HECW2: variants seen among roughly 807,000 people sequenced by gnomAD.
HECW2 encodes HECT, C2 and WW domain containing E3 ubiquitin protein ligase 2.
In HECW2, 61 loss-of-function variants were observed where a neutral mutation model predicts 175.2. That is an observed-to-expected ratio of 0.35 (90% CI 0.28 to 0.43). The LOEUF is 0.43. Ranked by LOEUF, HECW2 falls within the 20% of genes least tolerant of loss-of-function variation. HECW2 has a pLI of 1.00. For synonymous variants in HECW2, 671 were observed against 731.0 expected (o/e 0.92, Z 1.32); for missense variants, 1,524 against 2,000.5 (o/e 0.76, Z 4.54).
intron 1 of HECW2, among the ~76,000 whole-genome samples, chr2:196,439,098 T>G (rs1467290695): frequency 6.6e-6 from 1 of 152,230 alleles, no homozygotes; most frequent in Non-Finnish European, 1.5e-5. Flanking sequence ...CCTCAATTTA[T>G]TTACCTATTA....
chr2:196,330,128 C>T (rs1482111365), intron 4 of HECW2, among the ~76,000 whole-genome samples: 6 of 152,126 alleles, frequency 3.9e-5, no homozygotes, highest in Non-Finnish European at 8.8e-5. Flanking sequence ...TCCTATCTCC[C>T]TTGTAGGCTT....
chr2:196,290,161 G>A (rs953669207), intron 14 of HECW2: 1 of 152,192 alleles, frequency 6.6e-6, no homozygotes, highest in South Asian at 2.1e-4. Flanking sequence ...CCTACACTCA[G>A]GGTTCTCTAC....
intron 2 of HECW2, among the ~76,000 whole-genome samples, chr2:196,384,542 A>ACTATACTC (rs1694296103): frequency 6.6e-6 from 1 of 152,182 alleles, no homozygotes; most frequent in Non-Finnish European, 1.5e-5. Flanking sequence ...AGACAGCACT[A>ACTATACTC]CTATACTCCA....
intron 2 of HECW2, among the ~76,000 whole-genome samples, chr2:196,358,475 T>A (rs1480537778): frequency 6.8e-6 from 1 of 147,962 alleles, no homozygotes; most frequent in Non-Finnish European, 1.5e-5. Context: ...CTTGGGAGGC[T>A]GAGGCAGGAG....
At chr2:196,399,153 C>T (rs758930125) in intron 2 of HECW2, among the ~76,000 whole-genome samples, 122 of 152,118 alleles carry the variant, frequency 8.0e-4, no homozygotes, top group Non-Finnish European at 6.8e-4. Flanking sequence ...ATGTACACTC[C>T]GGAAGCACTA....
intron 1 of HECW2, among the ~76,000 whole-genome samples, chr2:196,467,225 C>T (rs1447967844): frequency 6.6e-6 from 1 of 152,144 alleles, no homozygotes; most frequent in South Asian, 2.1e-4. Flanking sequence ...AAAGCTATTC[C>T]CTTGGAACCC....
At chr2:196,224,848 A>G (rs1432061181) in intron 23 of HECW2, among the ~76,000 whole-genome samples, 1 of 152,194 alleles carries the variant, frequency 6.6e-6, no homozygotes, top group Non-Finnish European at 1.5e-5. Flanking sequence ...CAAAGAACCA[A>G]AGAGACAGAA....
In HECW2 at chr2:196,343,584, A is replaced by G. The variant is rs547257389; in HGVS notation, c.400+73T>C. 21 of 936,284 alleles carry G rather than the reference A, an allele frequency of 2.2e-5. No homozygotes were observed. In the South Asian group the frequency reaches 2.3e-4, roughly 10 times the overall value. 58.0% of individuals were successfully genotyped at this position (936,284 alleles called of 1,614,324 possible). A position where few individuals can be genotyped will look rare whatever the true frequency, so the allele number is the denominator to read the frequency against. On this transcript the variant is annotated intron_variant, in intron 3 of 28. Transcript: ENST00000644978. ...CAAAGAATTTCAAAATAACATTCAA[A>G]AAGACTCCATAGAATTCTGCATACT...
At chr2:196,469,027 G>A (rs1697076844) in intron 1 of HECW2, among the ~76,000 whole-genome samples, 2 of 151,916 alleles carry the variant, frequency 1.3e-5, no homozygotes, top group African/African-American at 4.8e-5. Context: ...AGGTGATATG[G>A]TACTTCCCAT....
intron 19 of HECW2, among the ~76,000 whole-genome samples, chr2:196,246,145 A>G (rs1688634603): frequency 1.3e-5 from 2 of 152,178 alleles, no homozygotes; most frequent in African/African-American, 2.4e-5. Flanking sequence ...ACGAAGGAAC[A>G]TTATCTCCAT....
Position 196,220,838 on chromosome 2 carries a change from C to G in HECW2, c.4250G>C (p.Gly1417Ala). 6.2e-7 allele frequency: 1 copy of G among 1,614,162 alleles called. No homozygotes were observed. Among genetic ancestry groups the G allele is most frequent in the Non-Finnish European group, 8.5e-7 (1 of 1,180,020 alleles). Residue 1417 changes from glycine to alanine, a missense_variant, in exon 25 of 29, where the codon GGT becomes GCT. By Grantham distance (60) the Gly-to-Ala change is moderately conservative (BLOSUM62 0). Around this residue, in one of 11 missense-constraint regions of HECW2, gnomAD observed 134 missense variants for 287.8 expected, o/e 0.47. Transcript: ENST00000644978. ...TAAGCTCTCTGTTTGCTGTACAACA[C>G]CCCTCTCAATCCTCCACTTCACCAT... The part of the protein sequence containing the change: ...ERMVKWRIER[G>A]VVQQTESLVR...
chr2:196,374,028 T>C (rs1693980021), intron 2 of HECW2, among the ~76,000 whole-genome samples: 1 of 131,476 alleles, frequency 7.6e-6, no homozygotes, highest in African/African-American at 3.3e-5. Context: ...AGAGACTCCG[T>C]CTCAAAAAAA....
At chr2:196,261,762 G>A (rs1166656783) in intron 17 of HECW2, among the ~76,000 whole-genome samples, 1 of 152,176 alleles carries the variant, frequency 6.6e-6, no homozygotes, top group Non-Finnish European at 1.5e-5. Flanking sequence ...TATAAAAGCT[G>A]TAAGCATAAG....
chr2:196,215,897 C>T lies in HECW2; in HGVS notation c.4575G>A (p.Val1525=). ...RGSNGPRRFC[V]EKWGKITALP... is the part of the protein sequence containing the mutation. ...GAGCAGTGATTTTCCCCCATTTCTC[C>T]ACACAGAATCTTCTTGGGCCGTTAC... The change falls in exon 28 of 29, where the codon GTG becomes GTA. Residue 1525 remains valine (V), a synonymous_variant. Coordinates refer to ENST00000644978, the MANE Select transcript of HECW2 (RefSeq NM_001348768.2). The T allele has an allele frequency of 2.5e-6, 4 of 1,613,650 alleles. No individual in the cohort carries two copies. Among genetic ancestry groups the T allele is most frequent in the Non-Finnish European group, 3.4e-6 (4 of 1,179,608 alleles).
chr2:196,488,370 A>G (rs1687076118), intron 1 of HECW2, among the ~76,000 whole-genome samples: 1 of 152,218 alleles, frequency 6.6e-6, no homozygotes, highest in Admixed American at 6.5e-5. Flanking sequence ...AAGACCAGAA[A>G]AAAGTCTCAA....
intron 4 of HECW2, among the ~76,000 whole-genome samples, chr2:196,333,544 G>T (rs1183071978): frequency 6.6e-6 from 1 of 152,110 alleles, no homozygotes; most frequent in Non-Finnish European, 1.5e-5. Flanking sequence ...ATGTTGTAAA[G>T]ATTCTATGTC....
At chr2:196,420,891 T>C (rs1370092501) in intron 2 of HECW2, among the ~76,000 whole-genome samples, 1 of 152,092 alleles carries the variant, frequency 6.6e-6, no homozygotes, top group African/African-American at 2.4e-5. Context: ...GGGTTTAAAA[T>C]AGGATGGAAT....
intron 21 of HECW2, chr2:196,238,988 G>A (rs1366833734): frequency 1.3e-5 from 2 of 152,216 alleles, no homozygotes; most frequent in African/African-American, 2.4e-5. Flanking sequence ...TGGAGTTCTG[G>A]GGGAGGAAAA....
intron 19 of HECW2, among the ~76,000 whole-genome samples, chr2:196,252,368 G>T (rs1176681753): frequency 1.3e-5 from 2 of 151,602 alleles, no homozygotes; most frequent in South Asian, 2.1e-4. Context: ...TGGTTTTTTT[G>T]GATGTTTGTT....
Sources: gnomAD v4.1 joint callset for allele counts (sites outside exome capture counted in the v4.1 genomes callset) on GRCh38, gnomAD v4.1.1 for gene constraint, gnomAD v4.1.1 regional missense constraint, MANE v1.5 for transcripts, NCBI Gene and HGNC (gene_info 2026-07-23, HGNC 2026-07-21) for gene names.